Variants in VXN observed in about 807,000 individuals in gnomAD.
VXN encodes the protein uncharacterized protein C8orf46.
A neutral mutation model predicts 23.1 loss-of-function variants in VXN; 7 were observed. That is an observed-to-expected ratio of 0.30 (90% CI 0.17 to 0.57). The LOEUF is 0.57. Among genes scored for constraint, VXN ranks in the 20% least tolerant of loss-of-function variants. The probability of loss-of-function intolerance (pLI) is 0.91; values close to 1 mark genes in which losing one functional copy is unlikely to be tolerated. For synonymous variants in VXN, 120 were observed against 105.8 expected (o/e 1.13, Z -0.83); for missense variants, 238 against 272.6 (o/e 0.87, Z 0.89).
In VXN at chr8:66,516,111, G is replaced by T; in HGVS notation, c.*35G>T. The T allele has an allele frequency of 6.5e-7, 1 of 1,546,186 alleles. No homozygotes were observed. The highest frequency in any genetic ancestry group is 2.4e-5 in the East Asian group (1 of 42,526). ...TCTTCAAGTGCCCTGTGTTGGCCAA[G>T]GTTCCCCGGACAAGAGGAAAAACCT... On this transcript the variant is annotated 3_prime_UTR_variant, in exon 6 of 6. Transcript: ENST00000305454.
chr8:66,511,727 GA>G (rs1214595091), intron 4 of VXN, among the ~76,000 whole-genome samples: 6 of 152,176 alleles, frequency 3.9e-5, no homozygotes, highest in Admixed American at 2.0e-4. Flanking sequence ...GCTGGGAGGG[GA>G]TAGGGTGGTG....
chr8:66,494,119 C>G (rs990154063), intron 1 of VXN, among the ~76,000 whole-genome samples: 1 of 152,120 alleles, frequency 6.6e-6, no homozygotes, highest in Non-Finnish European at 1.5e-5. Flanking sequence ...AGTATGATTT[C>G]TAACTGTGCC....
At position 66,511,854 on chromosome 8, in the gene VXN, C is replaced by T. The variant is rs138730807; in HGVS notation, c.343-1686C>T. ...GGCGGAGGCAGGTGGTCACCTGAGG[C>T]CAAGAGTTTGAGACCAGCCTGGCCA... On this transcript the variant is annotated intron_variant, in intron 4 of 5. Transcript: ENST00000305454. Among the ~76,000 whole-genome samples, 522 of 152,122 alleles carry T rather than the reference C, an allele frequency of 3.4e-3. 4 individuals are homozygous for T. The highest frequency in any genetic ancestry group is 0.012 in the African/African-American group (495 of 41,480).
intron 2 of VXN, among the ~76,000 whole-genome samples, chr8:66,496,840 AT>A: frequency 6.6e-6 from 1 of 151,996 alleles, no homozygotes; most frequent in African/African-American, 2.4e-5. Context: ...GTAATGTTCC[AT>A]TTTTTTACTA....
At chr8:66,509,944 C>G (rs993333538) in intron 3 of VXN, 152 bp from the exon 4 acceptor site, 4 of 712,910 alleles carry the variant, frequency 5.6e-6, no homozygotes, top group African/African-American at 5.3e-5. Flanking sequence ...GCCTTGTGGC[C>G]TGACCCTCCT....
intron 2 of VXN, among the ~76,000 whole-genome samples, chr8:66,500,398 T>C (rs757857577): frequency 1.3e-5 from 2 of 152,204 alleles, no homozygotes; most frequent in Non-Finnish European, 2.9e-5. Context: ...GGTAAACATA[T>C]CCTGTTTAAT....
chr8:66,501,165 C>G lies in VXN; in HGVS notation c.127-4210C>G, dbSNP rs538829436. The G allele has an allele frequency of 3.3e-5, 5 of 152,200 alleles. No individual in the cohort carries two copies. The East Asian group carries it at 7.7e-4, about 24-fold the overall frequency. 9.4% of individuals were successfully genotyped at this position (152,200 alleles called of 1,614,324 possible). ...TGCTGGTATTACAGGTGTGAGCCAC[C>G]ACACCCAGCCAATTTTGTTCTTTTT... On this transcript the variant is annotated intron_variant, in intron 2 of 5. Transcript: ENST00000305454.
chr8:66,507,477 T>C (rs1208163861), intron 3 of VXN, among the ~76,000 whole-genome samples: 1 of 152,178 alleles, frequency 6.6e-6, no homozygotes, highest in Non-Finnish European at 1.5e-5. Flanking sequence ...AGAGCCAAGA[T>C]TGAATCTCCG....
At chr8:66,501,352 GAA>G (rs1204825128) in intron 2 of VXN, 1 of 152,214 alleles carries the variant, frequency 6.6e-6, no homozygotes, top group Admixed American at 6.5e-5. Flanking sequence ...TTAAGAAAGA[GAA>G]GTGTTTTTAA....
At chr8:66,496,387 C>A in intron 1 of VXN, 50 bp from the exon 2 acceptor site, 1 of 1,564,474 alleles carries the variant, frequency 6.4e-7, no homozygotes, top group Non-Finnish European at 8.8e-7. Context: ...GTAGCTATGT[C>A]AGCCTCGCTG....
chr8:66,508,358 G>C (rs529772674), intron 3 of VXN, among the ~76,000 whole-genome samples: 1 of 152,024 alleles, frequency 6.6e-6, no homozygotes, highest in African/African-American at 2.4e-5. Context: ...CTCCCACCAG[G>C]CTACCAGAGA....
At chr8:66,506,456 A>T (rs1309490457) in intron 3 of VXN, among the ~76,000 whole-genome samples, 1 of 151,818 alleles carries the variant, frequency 6.6e-6, no homozygotes. Context: ...GATAACCAGG[A>T]ATCTGCCTCT....
chr8:66,513,865 C>G (rs1807854482), intron 5 of VXN: 3 of 491,168 alleles, frequency 6.1e-6, no homozygotes, highest in Non-Finnish European at 1.1e-5. Flanking sequence ...GTTTCCACTT[C>G]ATTAACGCCA....
chr8:66,513,072 C>T (rs779908019), intron 4 of VXN, among the ~76,000 whole-genome samples: 25 of 152,070 alleles, frequency 1.6e-4, no homozygotes, highest in South Asian at 6.2e-4. Flanking sequence ...AAGGCTGCAG[C>T]GGAGGAAACG....
chr8:66,501,294 T>C (rs535036871), intron 2 of VXN: 1 of 152,346 alleles, frequency 6.6e-6, no homozygotes, highest in African/African-American at 2.4e-5. Flanking sequence ...TTAGTGTATG[T>C]GTTGCTGAGG....
rs761018467 is a variant in VXN, at chr8:66,510,182, T to C, written c.342+25T>C. ...GGTAAGTAAAATAAGCCTGCTTAGT[T>C]GTATCTGTTGTGCATTAAACTTCTG... On this transcript the variant is annotated intron_variant, in intron 4 of 5. Transcript: ENST00000305454. 7 of 1,575,832 alleles carry C rather than the reference T, an allele frequency of 4.4e-6. No individual in the cohort carries two copies. In the South Asian group the frequency reaches 8.0e-5, roughly 18 times the overall value.
At chr8:66,502,362 A>G (rs999006084) in intron 2 of VXN, among the ~76,000 whole-genome samples, 7 of 152,236 alleles carry the variant, frequency 4.6e-5, no homozygotes, top group Non-Finnish European at 7.3e-5. Flanking sequence ...CAGCCATCAG[A>G]AAAGATGGAT....
At chr8:66,496,691 T>C (rs1172827432) in intron 2 of VXN, among the ~76,000 whole-genome samples, 199 bp downstream of exon 2, 1 of 152,218 alleles carries the variant, frequency 6.6e-6, no homozygotes, top group Non-Finnish European at 1.5e-5. Context: ...GACCCTGAAC[T>C]GGACCACTTA....
intron 3 of VXN, 147 bp from the exon 4 acceptor site, chr8:66,509,949 C>T (rs1443216914): frequency 2.7e-6 from 2 of 727,666 alleles, no homozygotes; most frequent in African/African-American, 1.8e-5. Context: ...GTGGCCTGAC[C>T]CTCCTGCCTG....
Sources: allele counts gnomAD v4.1 joint callset (sites outside exome capture counted in the v4.1 genomes callset), GRCh38; gene constraint gnomAD v4.1.1; transcripts MANE v1.5; gene names NCBI Gene and HGNC (gene_info 2026-07-23, HGNC 2026-07-21).